Variants in RALGPS1 observed in about 807,000 individuals in gnomAD.
The protein encoded by RALGPS1 is Ral GEF with PH domain and SH3 binding motif 1.
Under a neutral mutation model 78.8 loss-of-function variants are expected in RALGPS1, and 19 were observed. The ratio of observed to expected loss-of-function variants is 0.24; its 90% CI spans 0.17 to 0.35. RALGPS1 has a LOEUF of 0.35. RALGPS1 is among the 10% of genes least tolerant of loss of function. The pLI is 1.00. For missense variants in RALGPS1, 454 were observed against 688.3 expected (o/e 0.66, Z 3.81); for synonymous variants, 228 against 256.3 (o/e 0.89, Z 1.06).
chr9:127,188,228 A>G (rs1362482220), intron 11 of RALGPS1, among the ~76,000 whole-genome samples: 1 of 149,506 alleles, frequency 6.7e-6, no homozygotes, highest in Non-Finnish European at 1.5e-5. Context: ...CACCCGGCTA[A>G]TTTTTTGTGT....
At chr9:126,999,229 A>C (rs938891261) in intron 4 of RALGPS1, among the ~76,000 whole-genome samples, 4 of 152,130 alleles carry the variant, frequency 2.6e-5, no homozygotes, top group African/African-American at 9.7e-5. Context: ...TAGAGTGTAC[A>C]TTCTGTATCT....
chr9:127,080,226 C>G (rs376946716), intron 8 of RALGPS1, among the ~76,000 whole-genome samples: 2 of 152,098 alleles, frequency 1.3e-5, no homozygotes, highest in Non-Finnish European at 2.9e-5. Flanking sequence ...ACAGTGGGCT[C>G]CTGAGTACTC....
intron 1 of RALGPS1, among the ~76,000 whole-genome samples, chr9:126,925,786 C>G (rs2035219991): frequency 6.6e-6 from 1 of 152,032 alleles, no homozygotes; most frequent in Non-Finnish European, 1.5e-5. Flanking sequence ...GGCTTTCCTG[C>G]TAGGGGAGTC....
intron 14 of RALGPS1, among the ~76,000 whole-genome samples, chr9:127,203,265 C>A (rs566114352): frequency 6.6e-6 from 1 of 152,294 alleles, no homozygotes; most frequent in African/African-American, 2.4e-5. Context: ...TCCCTGTATT[C>A]TTCAGATTTT....
intron 14 of RALGPS1, among the ~76,000 whole-genome samples, chr9:127,200,789 C>G (rs2061591244): frequency 6.6e-6 from 1 of 152,234 alleles, no homozygotes; most frequent in African/African-American, 2.4e-5. Flanking sequence ...TGGGGACACC[C>G]TGAGGGAGAT....
intron 1 of RALGPS1, among the ~76,000 whole-genome samples, chr9:126,951,725 A>G (rs1262282260): frequency 2.6e-5 from 4 of 152,226 alleles, no homozygotes; most frequent in Admixed American, 1.3e-4. Flanking sequence ...CTGAATGGGT[A>G]AAAAACTGGA....
intron 7 of RALGPS1, among the ~76,000 whole-genome samples, chr9:127,064,434 C>T (rs1157125143): frequency 6.6e-6 from 1 of 152,124 alleles, no homozygotes; most frequent in Admixed American, 6.6e-5. Context: ...ACCTAAAAAA[C>T]TTATTATCAG....
chr9:126,979,255 G>A (rs2040993828), intron 4 of RALGPS1, among the ~76,000 whole-genome samples: 1 of 151,768 alleles, frequency 6.6e-6, no homozygotes, highest in African/African-American at 2.4e-5. Flanking sequence ...GTGTGTGTGT[G>A]TGTGTGTGTG....
chr9:127,217,176 T>G, intron 18 of RALGPS1: 11 of 1,251,450 alleles, frequency 8.8e-6, no homozygotes, highest in Non-Finnish European at 1.1e-5. Flanking sequence ...TTGGCAGATG[T>G]GGTGTAGCAT....
intron 8 of RALGPS1, among the ~76,000 whole-genome samples, chr9:127,153,574 C>A (rs2058548226): frequency 6.6e-6 from 1 of 152,044 alleles, no homozygotes; most frequent in Non-Finnish European, 1.5e-5. Flanking sequence ...AAGGCCCTGT[C>A]ATGATGGCGG....
In RALGPS1 at chr9:127,168,682, A is replaced by G. The variant is rs2059413821; in HGVS notation, c.752A>G (p.His251Arg). The change falls in exon 10 of 19, where the codon CAC becomes CGC. Residue 251 changes from histidine to arginine, a missense_variant. Transcript: ENST00000259351. ...GGATGTGGTCCACCTTTTGCAGATCACCTCACCACCCTGCCCCATGTGCAG... is the reference window on the plus strand; with the variant it reads ...GGATGTGGTCCACCTTTTGCAGATCGCCTCACCACCCTGCCCCATGTGCAG... ...ADLQVSCSYD[H>R]LTTLPHVQKY... 1.2e-6 allele frequency: 2 copies of G among 1,610,630 alleles called. No homozygotes were observed.
chr9:127,161,556 G>GA (rs2059020737), intron 8 of RALGPS1, among the ~76,000 whole-genome samples: 1 of 152,188 alleles, frequency 6.6e-6, no homozygotes. Context: ...GGACACTGAT[G>GA]ATGGGACCTG....
intron 1 of RALGPS1, among the ~76,000 whole-genome samples, chr9:126,945,029 C>CT (rs1433651334): frequency 1.3e-5 from 2 of 152,180 alleles, no homozygotes; most frequent in Non-Finnish European, 2.9e-5. Context: ...TGGCACTCCC[C>CT]GTGGACATGA....
chr9:126,946,272 T>C (rs1054921036), intron 1 of RALGPS1, among the ~76,000 whole-genome samples: 6 of 152,132 alleles, frequency 3.9e-5, no homozygotes, highest in African/African-American at 7.2e-5. Flanking sequence ...TGGCCAGGCA[T>C]GGAGGCTCAT....
intron 10 of RALGPS1, among the ~76,000 whole-genome samples, chr9:127,170,851 A>T (rs2059533914): frequency 1.3e-5 from 2 of 152,206 alleles, no homozygotes; most frequent in South Asian, 2.1e-4. Flanking sequence ...AAACCCAGGG[A>T]GGAGGCCTGC....
intron 4 of RALGPS1, among the ~76,000 whole-genome samples, chr9:126,979,701 A>G (rs1276256405): frequency 6.6e-6 from 1 of 152,200 alleles, no homozygotes; most frequent in East Asian, 1.9e-4. Flanking sequence ...ACTTTTCCCC[A>G]GGGTGCTGCA....
At chr9:127,107,036 T>A (rs1276111794) in intron 8 of RALGPS1, 2 of 152,250 alleles carry the variant, frequency 1.3e-5, no homozygotes, top group Admixed American at 6.5e-5. Flanking sequence ...TTCAGGGGAC[T>A]GGATGTGTGC....
intron 1 of RALGPS1, among the ~76,000 whole-genome samples, chr9:126,936,779 C>T (rs1254859114): frequency 6.6e-6 from 1 of 151,518 alleles, no homozygotes; most frequent in Admixed American, 6.6e-5. Context: ...TTCTCTAACC[C>T]AAGGACAAGG....
chr9:127,111,075 G>A (rs1564600946), intron 8 of RALGPS1, among the ~76,000 whole-genome samples: 3 of 151,986 alleles, frequency 2.0e-5, no homozygotes, highest in Non-Finnish European at 4.4e-5. Flanking sequence ...CTTCCTCCCT[G>A]GTCTCATCTC....
Sources: gnomAD v4.1 joint callset for allele counts (sites outside exome capture counted in the v4.1 genomes callset) on GRCh38, gnomAD v4.1.1 for gene constraint, MANE v1.5 for transcripts, NCBI Gene and HGNC (gene_info 2026-07-23, HGNC 2026-07-21) for gene names.